The following HECW1 variants were observed in gnomAD, a reference collection of about 807,000 sequenced individuals.
The protein encoded by HECW1 is HECT, C2 and WW domain containing E3 ubiquitin protein ligase 1, also known as E3 ubiquitin-protein ligase HECW1.
HECW1 carries 61 observed loss-of-function variants against 182.3 expected under a neutral mutation model. The observed-to-expected ratio is 0.33, with a 90% CI of 0.27 to 0.41. HECW1 has a LOEUF of 0.41. Ranked by LOEUF, HECW1 falls within the 10% of genes least tolerant of loss-of-function variation. HECW1 has a pLI of 1.00. For synonymous variants in HECW1, 859 were observed against 832.6 expected (o/e 1.03, Z -0.55); for missense variants, 1,739 against 2,108.9 (o/e 0.82, Z 3.44).
At chr7:43,400,208 G>T (rs912333837) in intron 7 of HECW1, among the ~76,000 whole-genome samples, 4 of 152,084 alleles carry the variant, frequency 2.6e-5, no homozygotes, top group African/African-American at 9.7e-5. Flanking sequence ...TGTACTCCAG[G>T]CTGGGCAACA....
At chr7:43,468,894 AC>A (rs1563019206) in intron 15 of HECW1, 25 bp from the exon 16 acceptor site, 2 of 1,611,208 alleles carry the variant, frequency 1.2e-6, no homozygotes, top group Middle Eastern at 1.7e-4. Flanking sequence ...CCCACTCCTT[AC>A]CCCGTCCGCC....
intron 2 of HECW1, among the ~76,000 whole-genome samples, chr7:43,198,751 CTA>C (rs1343357343): frequency 6.6e-6 from 1 of 150,478 alleles, no homozygotes; most frequent in Non-Finnish European, 1.5e-5. Flanking sequence ...CTCTCACACA[CTA>C]TAGATTTGCA....
At chr7:43,433,957 G>A (rs1410651365) in intron 8 of HECW1, among the ~76,000 whole-genome samples, 2 of 152,128 alleles carry the variant, frequency 1.3e-5, no homozygotes, top group African/African-American at 2.4e-5. Flanking sequence ...TTCCACACTG[G>A]TTTTCTTTCA....
intron 3 of HECW1, among the ~76,000 whole-genome samples, chr7:43,308,455 G>C (rs981121630): frequency 6.8e-6 from 1 of 147,106 alleles, no homozygotes; most frequent in Non-Finnish European, 1.5e-5. Flanking sequence ...CCTCAATAAA[G>C]CTGGGAAATT....
At chr7:43,160,928 TC>T (rs1790461501) in intron 2 of HECW1, among the ~76,000 whole-genome samples, 2 of 152,126 alleles carry the variant, frequency 1.3e-5, no homozygotes, top group Non-Finnish European at 2.9e-5. Flanking sequence ...TTTACCTTAT[TC>T]AATTTACTTT....
At chr7:43,134,854 T>G (rs1480702542) in intron 2 of HECW1, among the ~76,000 whole-genome samples, 1 of 152,236 alleles carries the variant, frequency 6.6e-6, no homozygotes, top group Non-Finnish European at 1.5e-5. Flanking sequence ...GCAGCCTAAA[T>G]TTAAATTCTT....
intron 5 of HECW1, among the ~76,000 whole-genome samples, chr7:43,330,501 G>A (rs189351571): frequency 3.6e-4 from 55 of 152,306 alleles, no homozygotes; most frequent in African/African-American, 1.3e-3. Context: ...CAAGTTTTTG[G>A]TTTGATGATT....
chr7:43,317,252 G>A (rs937483204), intron 4 of HECW1, among the ~76,000 whole-genome samples: 2 of 152,192 alleles, frequency 1.3e-5, no homozygotes, highest in Non-Finnish European at 2.9e-5. Context: ...GGGGCAGGCA[G>A]TGACCTACTC....
intron 20 of HECW1, 99 bp from the exon 21 acceptor site, chr7:43,501,114 A>C: frequency 1.5e-6 from 1 of 652,428 alleles, no homozygotes; most frequent in Non-Finnish European, 2.7e-6. Context: ...GCTTTGTGAG[A>C]AGTGTAAGTG....
chr7:43,525,467 G>A (rs560865561), intron 24 of HECW1, among the ~76,000 whole-genome samples: 15 of 152,280 alleles, frequency 9.9e-5, no homozygotes, highest in East Asian at 3.8e-4. Context: ...TACATTCAGC[G>A]GGGTGGAGGG....
intron 17 of HECW1, among the ~76,000 whole-genome samples, chr7:43,482,032 C>T (rs978432808): frequency 2.6e-5 from 4 of 151,306 alleles, no homozygotes; most frequent in Non-Finnish European, 5.9e-5. Context: ...GATGAAAGGG[C>T]GTTGCTGTGT....
intron 11 of HECW1, 139 bp from the exon 12 acceptor site, chr7:43,450,689 C>A: frequency 1.6e-6 from 1 of 620,342 alleles, no homozygotes. Flanking sequence ...GTGAATGTAG[C>A]AAACTGACAC....
chr7:43,488,985 G>C (rs973006326), intron 17 of HECW1, among the ~76,000 whole-genome samples: 3 of 152,226 alleles, frequency 2.0e-5, no homozygotes, highest in African/African-American at 7.2e-5. Context: ...TTACCCGTGA[G>C]TGGGTGACCT....
intron 3 of HECW1, among the ~76,000 whole-genome samples, chr7:43,293,862 C>T (rs906311747): frequency 6.6e-6 from 1 of 152,086 alleles, no homozygotes; most frequent in Non-Finnish European, 1.5e-5. Context: ...AGCAAGCAAG[C>T]GTTACCACCT....
intron 6 of HECW1, among the ~76,000 whole-genome samples, chr7:43,361,846 TA>T (rs76445158): frequency 1.2e-4 from 10 of 86,236 alleles, no homozygotes; most frequent in Admixed American, 3.7e-4. Context: ...TTTTTTACAT[TA>T]AAAAAAAAAC....
At chr7:43,415,559 A>T (rs2075964401) in intron 8 of HECW1, among the ~76,000 whole-genome samples, 1 of 151,914 alleles carries the variant, frequency 6.6e-6, no homozygotes, top group Admixed American at 6.6e-5. Flanking sequence ...GTATTTCCTG[A>T]ATCTGAACAT....
intron 2 of HECW1, among the ~76,000 whole-genome samples, chr7:43,180,074 G>A (rs933281105): frequency 2.0e-5 from 3 of 152,168 alleles, no homozygotes; most frequent in African/African-American, 7.2e-5. Context: ...GCCAGTTTAC[G>A]TTATCTGCCC....
intron 9 of HECW1, among the ~76,000 whole-genome samples, chr7:43,441,367 C>G (rs1369856122): frequency 6.6e-6 from 1 of 152,182 alleles, no homozygotes; most frequent in Non-Finnish European, 1.5e-5. Context: ...CTGCTCCATC[C>G]TGGAGCAGGT....
intron 2 of HECW1, among the ~76,000 whole-genome samples, chr7:43,151,678 A>G (rs1246150596): frequency 6.6e-6 from 1 of 152,174 alleles, no homozygotes; most frequent in African/African-American, 2.4e-5. Context: ...GGATTTAGAA[A>G]CTAACTTGAG....
Sources: gnomAD v4.1 joint callset for allele counts (sites outside exome capture counted in the v4.1 genomes callset) on GRCh38, gnomAD v4.1.1 for gene constraint, MANE v1.5 for transcripts, NCBI Gene and HGNC (gene_info 2026-07-23, HGNC 2026-07-21) for gene names.